The following MCPH1 variants were observed in gnomAD, a reference collection of about 807,000 sequenced individuals.
The protein encoded by MCPH1 is microcephalin 1.
A neutral mutation model predicts 84.5 loss-of-function variants in MCPH1; 104 were observed. That is an observed-to-expected ratio of 1.23 (90% confidence interval 1.05 to 1.45). The LOEUF (loss-of-function observed/expected upper bound fraction) is 1.45, where lower values mean the gene tolerates loss of function less well. Ranked by LOEUF, MCPH1 falls within the 40% of genes most tolerant of loss-of-function variation. MCPH1 has a pLI of 0.00. For missense variants in MCPH1, 1,498 were observed against 1,005.7 expected, an observed-to-expected ratio of 1.49 and a Z score of -6.62; for synonymous variants, 514 against 366.8, an observed-to-expected ratio of 1.40 and a Z score of -4.58.
chr8:6,552,733 G>A (rs1040231934), intron 12 of MCPH1, among the ~76,000 whole-genome samples: 10 of 151,690 alleles, frequency 6.6e-5, no homozygotes, highest in Non-Finnish European at 8.8e-5. Flanking sequence ...AACTGGTACC[G>A]TTTCTGAAGA....
chr8:6,522,530 T>G (rs1449762731), intron 12 of MCPH1, among the ~76,000 whole-genome samples: 1 of 152,000 alleles, frequency 6.6e-6, no homozygotes, highest in Non-Finnish European at 1.5e-5. Context: ...TCCCAGCACT[T>G]TGGAAGGCTG....
chr8:6,601,726 C>G (rs922455562), intron 12 of MCPH1, among the ~76,000 whole-genome samples: 2 of 145,974 alleles, frequency 1.4e-5, no homozygotes, highest in Admixed American at 1.4e-4. Context: ...CACACACACC[C>G]AATCACATAC....
chr8:6,615,935 T>G (rs1211096243), intron 12 of MCPH1: 1 of 152,174 alleles, frequency 6.6e-6, no homozygotes, highest in Non-Finnish European at 1.5e-5. Context: ...CATTGTGGAT[T>G]CTGAAATATT....
At chr8:6,448,586 C>T (rs532318824) in intron 8 of MCPH1, among the ~76,000 whole-genome samples, 56 of 152,344 alleles carry the variant, frequency 3.7e-4, no homozygotes, top group African/African-American at 1.2e-3. Flanking sequence ...CTGCACGAAG[C>T]AGCCACTGTC....
At chr8:6,465,108 C>T (rs1806713099) in intron 9 of MCPH1, among the ~76,000 whole-genome samples, 1 of 152,146 alleles carries the variant, frequency 6.6e-6, no homozygotes, top group African/African-American at 2.4e-5. Context: ...TAAGGTCTAT[C>T]TTACTATCTG....
In MCPH1 at chr8:6,409,914, C is replaced by T. The variant is rs1585557281; in HGVS notation, c.114+544C>T. Among the ~76,000 whole-genome samples the T allele has an allele frequency of 2.0e-5, 3 of 151,640 alleles. No individual in the cohort carries two copies. In the South Asian group the frequency reaches 6.3e-4, roughly 32 times the overall value. The stretch of plus-strand genomic sequence containing the variant: ...GGCGATGGGAGCAGGGACCCAGTGA[C>T]AGAGGGAGAGAAGAATGCCAGGAGA... On this transcript the variant is annotated intron_variant, in intron 2 of 13. Coordinates refer to ENST00000344683, the MANE Select transcript of MCPH1 (RefSeq NM_024596.5).
At chr8:6,507,407 C>T (rs1813964530) in intron 12 of MCPH1, among the ~76,000 whole-genome samples, 1 of 152,104 alleles carries the variant, frequency 6.6e-6, no homozygotes, top group African/African-American at 2.4e-5. Flanking sequence ...TCATTTTGCA[C>T]TATTGGCAGA....
In MCPH1 at chr8:6,532,627, G is replaced by C. The variant is rs1316990058; in HGVS notation, c.2214+32698G>C. On this transcript the variant is annotated intron_variant, in intron 12 of 13. Coordinates refer to ENST00000344683, the MANE Select transcript of MCPH1 (RefSeq NM_024596.5). ...AGACTTGTACCTTGCCTTCCTTTTGGAATCTTACTATTTTTTTTTATCATT... is the reference window on the plus strand; with the variant it reads ...AGACTTGTACCTTGCCTTCCTTTTGCAATCTTACTATTTTTTTTTATCATT... The C allele has an allele frequency of 4.5e-6, 3 of 667,630 alleles. No homozygotes were observed. The East Asian group carries it at 9.7e-5, about 22-fold the overall frequency. 41.4% of individuals were successfully genotyped at this position (667,630 alleles called of 1,614,324 possible). A position where few individuals can be genotyped will look rare whatever the true frequency, so the allele number is the denominator to read the frequency against.
At chr8:6,479,480 G>C (rs957742617) in intron 10 of MCPH1, among the ~76,000 whole-genome samples, 1 of 150,010 alleles carries the variant, frequency 6.7e-6, no homozygotes, top group African/African-American at 2.5e-5. Flanking sequence ...TGTCACCCAG[G>C]CTGGAGTGCA....
At chr8:6,498,342 G>A (rs573759523) in intron 11 of MCPH1, among the ~76,000 whole-genome samples, 6 of 152,210 alleles carry the variant, frequency 3.9e-5, no homozygotes, top group Non-Finnish European at 7.4e-5. Context: ...AGATGTGTTC[G>A]GCCAATGAAA....
At chr8:6,599,566 T>C (rs1334890972) in intron 12 of MCPH1, among the ~76,000 whole-genome samples, 2 of 152,234 alleles carry the variant, frequency 1.3e-5, no homozygotes, top group African/African-American at 4.8e-5. Context: ...AATAGCTTAT[T>C]TGTAAAGGAA....
chr8:6,621,509 C>T lies in MCPH1; in HGVS notation c.2270C>T (p.Ala757Val), dbSNP rs771090309. 2 of 1,614,114 alleles carry T rather than the reference C, an allele frequency of 1.2e-6. No homozygotes were observed. The highest frequency in any genetic ancestry group is 1.7e-5 in the Admixed American group (1 of 60,024). Reference sequence around the variant, plus strand: ...GGGCCGTACCGCGGAACCCTCTTTGCCGACCAGCCAGCGATGTTTGTCTCG... The same window carrying T: ...GGGCCGTACCGCGGAACCCTCTTTGTCGACCAGCCAGCGATGTTTGTCTCG... ...SAGPYRGTLF[A>V]DQPAMFVSPA... The change falls in exon 13 of 14, where the codon GCC (alanine) becomes GTC (valine). Residue 757 changes from alanine to valine, a missense_variant. By Grantham distance (64) the Ala-to-Val change is moderately conservative. Transcript: ENST00000344683.
intron 13 of MCPH1, among the ~76,000 whole-genome samples, chr8:6,623,226 G>A (rs982925480): frequency 2.5e-4 from 38 of 151,942 alleles, no homozygotes; most frequent in African/African-American, 8.9e-4. Context: ...GTTACTGAGG[G>A]TTAAGACATC....
chr8:6,638,444 A>C (rs562828531), intron 13 of MCPH1, among the ~76,000 whole-genome samples: 1 of 152,198 alleles, frequency 6.6e-6, no homozygotes, highest in Non-Finnish European at 1.5e-5. Flanking sequence ...CTTGCCCACC[A>C]TACTATAAAA....
chr8:6,625,158 A>G (rs1206990080), intron 13 of MCPH1: 3 of 984,142 alleles, frequency 3.0e-6, no homozygotes, highest in Non-Finnish European at 3.6e-6. Context: ...TACAGGCGTG[A>G]GCCACCGTGC....
intron 11 of MCPH1, among the ~76,000 whole-genome samples, chr8:6,495,588 T>G (rs532721339): frequency 6.6e-6 from 1 of 152,268 alleles, no homozygotes; most frequent in Non-Finnish European, 1.5e-5. Flanking sequence ...ATTTTTATAA[T>G]TTTGTCAGCT....
At chr8:6,508,305 C>G (rs897020080) in intron 12 of MCPH1, 1 of 152,338 alleles carries the variant, frequency 6.6e-6, no homozygotes, top group East Asian at 1.9e-4. Context: ...CAAAATTAGC[C>G]GGGTGCACTG....
chr8:6,446,359 C>G (rs1804368210), intron 8 of MCPH1: 1 of 984,544 alleles, frequency 1.0e-6, no homozygotes, highest in Non-Finnish European at 1.2e-6. Flanking sequence ...TGCATGATTT[C>G]TCTGCTCTAC....
intron 12 of MCPH1, among the ~76,000 whole-genome samples, chr8:6,608,616 C>G (rs949393481): frequency 6.6e-6 from 1 of 152,170 alleles, no homozygotes; most frequent in Non-Finnish European, 1.5e-5. Flanking sequence ...GATTCTCATT[C>G]GGTCCTTTGC....
Sources: allele counts gnomAD v4.1 joint callset (sites outside exome capture counted in the v4.1 genomes callset), GRCh38; gene constraint gnomAD v4.1.1; transcripts MANE v1.5; gene names NCBI Gene and HGNC (gene_info 2026-07-23, HGNC 2026-07-21).